The following CCDC85C variants were observed in gnomAD, a reference collection of about 807,000 sequenced individuals.
CCDC85C encodes the protein coiled-coil domain containing 85C.
A neutral mutation model predicts 38.3 loss-of-function variants in CCDC85C; 18 were observed. That is an observed-to-expected ratio of 0.47 (90% CI 0.33 to 0.70). CCDC85C has a LOEUF of 0.70. CCDC85C is among the 30% of genes least tolerant of loss of function. The pLI is 0.03. For synonymous variants in CCDC85C, 264 were observed against 293.8 expected, an observed-to-expected ratio of 0.90 and a Z score of 1.04; for missense variants, 566 against 621.2, an observed-to-expected ratio of 0.91 and a Z score of 0.94.
intron 1 of CCDC85C, among the ~76,000 whole-genome samples, chr14:99,568,588 C>T (rs1014597162): frequency 6.6e-6 from 1 of 152,134 alleles, no homozygotes; most frequent in African/African-American, 2.4e-5. Context: ...AAGACGTGGC[C>T]GCTGGACCCA....
intron 1 of CCDC85C, among the ~76,000 whole-genome samples, chr14:99,543,709 C>T (rs1161669446): frequency 6.6e-6 from 1 of 152,074 alleles, no homozygotes. Flanking sequence ...CTGTGCTGTG[C>T]CCCTTAGCAT....
At chr14:99,587,728 C>A (rs2055042151) in intron 1 of CCDC85C, among the ~76,000 whole-genome samples, 1 of 152,140 alleles carries the variant, frequency 6.6e-6, no homozygotes, top group Admixed American at 6.5e-5. Flanking sequence ...GACCCTGGAG[C>A]AGAACCCCCG....
chr14:99,598,992 A>G (rs78428349), intron 1 of CCDC85C, among the ~76,000 whole-genome samples: 3,341 of 152,230 alleles, frequency 0.022, 109 homozygotes, highest in African/African-American at 0.076. Context: ...CCCTTGGGAC[A>G]GGCTGGGGAA....
intron 1 of CCDC85C, among the ~76,000 whole-genome samples, chr14:99,551,556 T>C (rs1413374888): frequency 7.5e-6 from 1 of 133,360 alleles, no homozygotes; most frequent in Admixed American, 7.4e-5. Flanking sequence ...CAGGTGAGTG[T>C]GCAGGTGGGT....
At chr14:99,595,867 G>A (rs560590697) in intron 1 of CCDC85C, among the ~76,000 whole-genome samples, 45 of 152,338 alleles carry the variant, frequency 3.0e-4, no homozygotes, top group Admixed American at 1.5e-3. Context: ...TGTGGGAGGC[G>A]AGTGAGAGAA....
chr14:99,577,289 A>G (rs1292883409), intron 1 of CCDC85C, among the ~76,000 whole-genome samples: 4 of 151,590 alleles, frequency 2.6e-5, no homozygotes, highest in Non-Finnish European at 5.9e-5. Flanking sequence ...ACAGCTCTGC[A>G]GGAGTGTCCT....
chr14:99,551,529 G>C (rs899131351), intron 1 of CCDC85C, among the ~76,000 whole-genome samples: 1 of 151,416 alleles, frequency 6.6e-6, no homozygotes, highest in African/African-American at 2.4e-5. Flanking sequence ...GAGTACGTGA[G>C]TGTGCAGGTG....
At position 99,510,973 on chromosome 14, in the gene CCDC85C, G is replaced by T; in HGVS notation, c.*4273C>A. 2.3e-6 allele frequency: 1 copy of T among 433,926 alleles called. No individual in the cohort carries two copies. Among genetic ancestry groups the T allele is most frequent in the Non-Finnish European group, 3.9e-6 (1 of 255,638 alleles). The allele number at this position is 433,926 out of a possible 1,614,324, so 26.9% of individuals were successfully genotyped here. A position where few individuals can be genotyped will look rare whatever the true frequency, so the allele number is the denominator to read the frequency against. ...AGAGGACGGGGACAACCAGCTTTCA[G>T]AGTAGCCTCATCAGTGCCCTTGCAG... On this transcript the variant is annotated 3_prime_UTR_variant, in exon 6 of 6. Coordinates refer to ENST00000380243, the MANE Select transcript of CCDC85C (RefSeq NM_001144995.2).
At chr14:99,519,020 C>T (rs977331066) in intron 3 of CCDC85C, among the ~76,000 whole-genome samples, 1 of 152,004 alleles carries the variant, frequency 6.6e-6, no homozygotes, top group African/African-American at 2.4e-5. Context: ...ACTAGGTACC[C>T]ACTTAGGGCA....
chr14:99,517,179 G>C lies in CCDC85C; in HGVS notation c.980C>G (p.Pro327Arg), dbSNP rs747601740. 6.5e-7 allele frequency: 1 copy of C among 1,542,230 alleles called. No individual in the cohort carries two copies. The highest frequency in any genetic ancestry group is 8.8e-7 in the Non-Finnish European group (1 of 1,142,690). ...PSYQDSLQNG[P>R]ACPAPELPSP... ...GGGCAGCTCAGGTGCGGGGCAGGCC[G>C]GGCCCTGGGGAAGGCAATCACACAT... The change falls in exon 4 of 6, where the codon CCG becomes CGG. Residue 327 changes from proline (P) to arginine (R), a missense_variant. Pro to Arg is a moderately radical substitution (Grantham distance 103). This residue lies in a region of CCDC85C where 286 missense variants were observed against 276.4 expected (regional missense o/e 1.03). Transcript: ENST00000380243.
chr14:99,554,723 C>T (rs1268863167), intron 1 of CCDC85C, among the ~76,000 whole-genome samples: 1 of 152,224 alleles, frequency 6.6e-6, no homozygotes, highest in African/African-American at 2.4e-5. Context: ...TCAGAAAAGC[C>T]AACGGGCATG....
At chr14:99,515,401 C>G in intron 5 of CCDC85C, 66 bp from the exon 6 acceptor site, 1 of 1,202,586 alleles carries the variant, frequency 8.3e-7, no homozygotes, top group Non-Finnish European at 1.2e-6. Context: ...TATGCACATC[C>G]GCCGCCTCAT....
At chr14:99,568,333 G>T (rs1898263718) in intron 1 of CCDC85C, among the ~76,000 whole-genome samples, 2 of 141,842 alleles carry the variant, frequency 1.4e-5, no homozygotes, top group African/African-American at 2.7e-5. Context: ...GCTCACTATA[G>T]TCTCATGGGT....
chr14:99,601,413 G>A (rs192299543), intron 1 of CCDC85C, among the ~76,000 whole-genome samples: 18 of 152,258 alleles, frequency 1.2e-4, no homozygotes, highest in Admixed American at 3.3e-4. Context: ...GACTGGGGCC[G>A]CATCTCCTTG....
rs1382824428 is a variant in CCDC85C, at chr14:99,569,913, G to C, written c.793+33254C>G. On this transcript the variant is annotated intron_variant, in intron 1 of 5. Coordinates refer to ENST00000380243, the MANE Select transcript of CCDC85C (RefSeq NM_001144995.2). This position sits in a 1 kb window ranked among gnomAD's most constrained non-coding sequence, Gnocchi z 4.3. ...GGAGGTCAAGGCTGCAGTGAGCTATGATAGTGTCACTGCACTCCAGCCTGG... is the reference window on the plus strand; with the variant it reads ...GGAGGTCAAGGCTGCAGTGAGCTATCATAGTGTCACTGCACTCCAGCCTGG... Among the ~76,000 whole-genome samples the C allele has an allele frequency of 6.6e-6, 1 of 152,120 alleles. No homozygotes were observed. The highest frequency in any genetic ancestry group is 1.9e-4 in the East Asian group (1 of 5,148).
Position 99,536,220 on chromosome 14 carries a change from C to A in CCDC85C, c.794-132G>T, listed in dbSNP as rs540421338. 146 of 701,068 alleles carry A rather than the reference C, an allele frequency of 2.1e-4. No homozygotes were observed. In the South Asian group the frequency reaches 2.2e-3, roughly 11 times the overall value. The allele number at this position is 701,068 out of a possible 1,614,324, so 43.4% of individuals were successfully genotyped here. A position where few individuals can be genotyped will look rare whatever the true frequency, so the allele number is the denominator to read the frequency against. On this transcript the variant is annotated intron_variant, in intron 1 of 5. Coordinates refer to ENST00000380243, the MANE Select transcript of CCDC85C (RefSeq NM_001144995.2). ...AGTCCCACCCCACAGCCAGGTGACG[C>A]CCCAGCCCCTCCGAGCCCTCGCCCG...
intron 1 of CCDC85C, among the ~76,000 whole-genome samples, chr14:99,561,209 G>A (rs536704753): frequency 9.2e-4 from 140 of 152,302 alleles, no homozygotes; most frequent in Non-Finnish European, 9.6e-4. Context: ...CCCAAGGCCA[G>A]GAGGAAAACT....
intron 1 of CCDC85C, among the ~76,000 whole-genome samples, chr14:99,596,203 T>C (rs1186356177): frequency 1.3e-5 from 2 of 152,212 alleles, no homozygotes; most frequent in Admixed American, 1.3e-4. Flanking sequence ...AGACACAGTC[T>C]ACTCAAGGGC....
Position 99,545,989 on chromosome 14 carries a change from T to G in CCDC85C, c.794-9901A>C, listed in dbSNP as rs1361739980. Among the ~76,000 whole-genome samples, 1 of 151,292 alleles carries G rather than the reference T, an allele frequency of 6.6e-6. No individual in the cohort carries two copies. The highest frequency in any genetic ancestry group is 6.6e-5 in the Admixed American group (1 of 15,188). ...TGACTATTAATTAGTGGAGCTGAACTCTGAAGCAAAGGCAAAAAAAGCTAG... is the reference window on the plus strand; with the variant it reads ...TGACTATTAATTAGTGGAGCTGAACGCTGAAGCAAAGGCAAAAAAAGCTAG... On this transcript the variant is annotated intron_variant, in intron 1 of 5. Coordinates refer to ENST00000380243, the MANE Select transcript of CCDC85C (RefSeq NM_001144995.2). This position sits in a 1 kb window ranked among gnomAD's most constrained non-coding sequence, Gnocchi z 4.7.
Sources: allele counts gnomAD v4.1 joint callset (sites outside exome capture counted in the v4.1 genomes callset), GRCh38; gene constraint gnomAD v4.1.1; regional missense constraint gnomAD v4.1.1; non-coding constraint Gnocchi (gnomAD v3.1); transcripts MANE v1.5; gene names NCBI Gene and HGNC (gene_info 2026-07-23, HGNC 2026-07-21).